Variants in HEATR4 observed in about 807,000 individuals in gnomAD.
HEATR4 encodes HEAT repeat containing 4.
In HEATR4, 95 loss-of-function variants were observed where a neutral mutation model predicts 108.8. The observed-to-expected ratio is 0.87, with a 90% CI of 0.74 to 1.04. The LOEUF is 1.04. Among genes scored for constraint, HEATR4 ranks in the 50% least tolerant of loss-of-function variants. The probability of loss-of-function intolerance (pLI) is 0.00; values close to 1 mark genes in which losing one functional copy is unlikely to be tolerated. For synonymous variants in HEATR4, 443 were observed against 459.4 expected, an observed-to-expected ratio of 0.96 and a Z score of 0.46; for missense variants, 1,152 against 1,253.8, an observed-to-expected ratio of 0.92 and a Z score of 1.23.
Position 73,523,144 on chromosome 14 carries a change from C to G in HEATR4, c.9G>C (p.Arg3Ser). ...GGAGAAAGGTCTTTCCCTTCTGGGT[C>G]CTGGTCATACCGCGTCCCAGCAAAT... MT[R>S]TQKGKTFLPH... is the part of the protein sequence containing the mutation. The change falls in exon 3 of 18, where the codon AGG becomes AGC. Residue 3 changes from arginine to serine, a missense_variant. Arg to Ser is a moderately radical substitution (Grantham distance 110). Transcript: ENST00000553558. 1 of 1,591,638 alleles carries G rather than the reference C, an allele frequency of 6.3e-7. No homozygotes were observed. Among genetic ancestry groups the G allele is most frequent in the Non-Finnish European group, 8.5e-7 (1 of 1,174,790 alleles).
At chr14:73,496,556 A>G (rs1671594117) in intron 15 of HEATR4, 45 bp downstream of exon 15, 1 of 1,199,324 alleles carries the variant, frequency 8.3e-7, no homozygotes, top group Non-Finnish European at 1.2e-6. Flanking sequence ...GGAACTCTTG[A>G]GAGTCCTGAA....
At chr14:73,619,898 G>T in the HEATR4 span, 22 of 1,480,368 alleles carry the variant, frequency 1.5e-5, no homozygotes, top group Admixed American at 4.7e-5. Context: ...ACTTGTGTTG[G>T]GTTTTCTTTC....
chr14:73,563,367 G>T (rs1190487377), upstream of HEATR4, among the ~76,000 whole-genome samples: 9 of 152,096 alleles, frequency 5.9e-5, no homozygotes, highest in African/African-American at 2.2e-4. Context: ...GGCTGAGGCA[G>T]GCCGATCACT....
Position 73,514,056 on chromosome 14 carries a change from C to T in HEATR4, c.1389G>A (p.Lys463=). 1 of 1,614,198 alleles carries T rather than the reference C, an allele frequency of 6.2e-7. No individual in the cohort carries two copies. ...WELVVLRRML[K]EWKTAWALII... is the part of the protein sequence containing the mutation. The stretch of plus-strand genomic sequence containing the variant: ...TCAGAGCCCAGGCAGTCTTCCATTC[C>T]TTCAGCATCCTCCGCAGGACCACCA... The change falls in exon 6 of 18, where the codon AAG becomes AAA. Residue 463 remains lysine (K), a synonymous_variant. Transcript: ENST00000553558.
rs8019967 is a variant in HEATR4 at position 73,516,799 on chromosome 14, T to A, written c.1210+2224A>T. 2.5e-4 allele frequency among the ~76,000 whole-genome samples: 38 copies of A among 152,190 alleles called. 1 individual carries two copies. The South Asian group carries it at 7.5e-3, about 30-fold the overall frequency. On this transcript the variant is annotated intron_variant, in intron 5 of 17. Transcript: ENST00000553558. ...ACGTAGCATGAACCTTACTGTGAAC[T>A]GCACATGTGAGGGGTCTAGGCTGCG...
At chr14:73,496,557 G>A (rs781056016) in intron 15 of HEATR4, 44 bp downstream of exon 15, 1 of 1,206,278 alleles carries the variant, frequency 8.3e-7, no homozygotes, top group Non-Finnish European at 1.2e-6. Flanking sequence ...GAACTCTTGA[G>A]AGTCCTGAAT....
intron 17 of HEATR4, among the ~76,000 whole-genome samples, chr14:73,480,258 A>G (rs896776668): frequency 3.3e-5 from 5 of 152,104 alleles, no homozygotes; most frequent in African/African-American, 9.7e-5. Context: ...CCTGGCCAAC[A>G]TGGTGAAACC....
intron 5 of HEATR4, among the ~76,000 whole-genome samples, chr14:73,516,263 G>A (rs866322781): frequency 7.8e-4 from 46 of 59,060 alleles, no homozygotes; most frequent in Non-Finnish European, 8.9e-4. Context: ...ACGTGCTGGG[G>A]GACTCAGCCA....
the HEATR4 span, among the ~76,000 whole-genome samples, chr14:73,600,993 T>A: frequency 6.6e-6 from 1 of 150,744 alleles, no homozygotes; most frequent in Non-Finnish European, 1.5e-5. Flanking sequence ...ATACAAAAAT[T>A]AGCCAGGTGT....
the HEATR4 span, chr14:73,592,032 G>T: frequency 2.8e-6 from 4 of 1,448,518 alleles, no homozygotes; most frequent in South Asian, 1.4e-5. Context: ...TGCCGTGCGC[G>T]GCCTGGCCCC....
At chr14:73,494,470 A>G (rs1233701681) in intron 16 of HEATR4, among the ~76,000 whole-genome samples, 2 of 152,236 alleles carry the variant, frequency 1.3e-5, no homozygotes, top group Admixed American at 6.5e-5. Flanking sequence ...TAAAAAAGTT[A>G]CAAAAGCATA....
chr14:73,584,308 T>C, the HEATR4 span, among the ~76,000 whole-genome samples: 3 of 151,158 alleles, frequency 2.0e-5, no homozygotes, highest in Admixed American at 2.0e-4. Flanking sequence ...TAAATAAACT[T>C]CCACTCTGCT....
rs1331187256 is a variant in HEATR4 at position 73,496,201 on chromosome 14, T to G, written c.2625+400A>C. ...TTTTCTTTGGTGAGAAAACCCAGAT[T>G]AGGAATTCAGAAAAATTAAGAAGAA... On this transcript the variant is annotated intron_variant, in intron 15 of 17. Transcript: ENST00000553558. Among the ~76,000 whole-genome samples the G allele has an allele frequency of 2.6e-5, 4 of 152,050 alleles. No homozygotes were observed. The East Asian group carries it at 7.7e-4, about 29-fold the overall frequency.
chr14:73,612,629 C>T, the HEATR4 span: 1 of 1,407,672 alleles, frequency 7.1e-7, no homozygotes, highest in Non-Finnish European at 9.3e-7. Flanking sequence ...CGAGCCGCTG[C>T]GCATCGCAGT....
At chr14:73,494,575 G>C (rs1345974817) in intron 16 of HEATR4, among the ~76,000 whole-genome samples, 1 of 152,104 alleles carries the variant, frequency 6.6e-6, no homozygotes, top group Non-Finnish European at 1.5e-5. Context: ...GTTTGAGACA[G>C]GGTCCCACTT....
the HEATR4 span, among the ~76,000 whole-genome samples, chr14:73,567,424 C>T: frequency 6.6e-6 from 1 of 152,158 alleles, no homozygotes; most frequent in East Asian, 1.9e-4. Flanking sequence ...CACCAATCAG[C>T]ACTCTGTGTC....
intron 17 of HEATR4, among the ~76,000 whole-genome samples, chr14:73,489,540 T>A (rs1356961967): frequency 2.0e-5 from 3 of 152,316 alleles, no homozygotes; most frequent in Middle Eastern, 3.4e-3. Flanking sequence ...AAAAGTATCT[T>A]ACTTTTTGAC....
chr14:73,618,315 G>A, the HEATR4 span, among the ~76,000 whole-genome samples: 111 of 151,930 alleles, frequency 7.3e-4, 2 homozygotes, highest in African/African-American at 2.5e-3. Flanking sequence ...CTTGGGATCC[G>A]GCACCCCAGA....
chr14:73,567,345 A>T, the HEATR4 span, among the ~76,000 whole-genome samples: 1 of 152,128 alleles, frequency 6.6e-6, no homozygotes, highest in African/African-American at 2.4e-5. Flanking sequence ...TGAGAGGTGA[A>T]GACCGCTGGG....
Sources: allele counts gnomAD v4.1 joint callset (sites outside exome capture counted in the v4.1 genomes callset), GRCh38; gene constraint gnomAD v4.1.1; transcripts MANE v1.5; gene names NCBI Gene and HGNC (gene_info 2026-07-23, HGNC 2026-07-21).